SPECC1L: variants seen among roughly 807,000 people sequenced by gnomAD.
The protein encoded by SPECC1L is sperm antigen with calponin homology and coiled-coil domains 1 like, also known as cytospin-A.
A neutral mutation model predicts 116.8 loss-of-function variants in SPECC1L; 40 were observed. The observed-to-expected ratio is 0.34, with a 90% confidence interval of 0.27 to 0.45. SPECC1L has a LOEUF of 0.45. Among genes scored for constraint, SPECC1L ranks in the 20% least tolerant of loss-of-function variants. The probability of loss-of-function intolerance (pLI) is 1.00; values close to 1 mark genes in which losing one functional copy is unlikely to be tolerated. For missense variants in SPECC1L, 1,110 were observed against 1,373.6 expected (o/e 0.81, Z 3.03); for synonymous variants, 504 against 500.6 (o/e 1.01, Z -0.09).
rs937720941 is a variant in SPECC1L at position 24,416,360 on chromosome 22, A to G, written c.*1737A>G. On this transcript the variant is annotated 3_prime_UTR_variant, in exon 17 of 17. Transcript: ENST00000314328. Reference sequence around the variant, plus strand: ...GAGGCCAGGCAAGCAAAGTCATGCCACAAAGCATATCAGAGACCCCCGCAG... The same window carrying G: ...GAGGCCAGGCAAGCAAAGTCATGCCGCAAAGCATATCAGAGACCCCCGCAG... 1.3e-5 allele frequency: 2 copies of G among 152,218 alleles called. No individual in the cohort carries two copies. Among genetic ancestry groups the G allele is most frequent in the African/African-American group, 4.8e-5 (2 of 41,448 alleles). 9.4% of individuals were successfully genotyped at this position (152,218 alleles called of 1,614,324 possible). A position where few individuals can be genotyped will look rare whatever the true frequency, so the allele number is the denominator to read the frequency against.
chr22:24,297,979 T>C (rs1202282043), intron 2 of SPECC1L, among the ~76,000 whole-genome samples: 1 of 152,184 alleles, frequency 6.6e-6, no homozygotes, highest in East Asian at 1.9e-4. Flanking sequence ...TTGTTGTTAA[T>C]CTCCTACTGT....
chr22:24,349,744 T>C (rs2041382750), intron 11 of SPECC1L, among the ~76,000 whole-genome samples: 3 of 152,230 alleles, frequency 2.0e-5, no homozygotes, highest in Admixed American at 1.3e-4. Flanking sequence ...TCCCATTGAC[T>C]CTACTTTCAA....
At chr22:24,374,915 G>C (rs2041942603) in intron 14 of SPECC1L, among the ~76,000 whole-genome samples, 1 of 151,824 alleles carries the variant, frequency 6.6e-6, no homozygotes, top group Admixed American at 6.6e-5. Context: ...TGGGTTCTTT[G>C]AAAAGATAAA....
chr22:24,353,494 C>T (rs1047221975), intron 11 of SPECC1L, among the ~76,000 whole-genome samples: 2 of 151,908 alleles, frequency 1.3e-5, no homozygotes, highest in Non-Finnish European at 2.9e-5. Flanking sequence ...CTGCAACCTC[C>T]GCCTCCTGGG....
At chr22:24,381,606 G>A (rs896529219) in intron 14 of SPECC1L, among the ~76,000 whole-genome samples, 5 of 152,004 alleles carry the variant, frequency 3.3e-5, no homozygotes, top group African/African-American at 9.7e-5. Flanking sequence ...AATAATTGCC[G>A]GGGCGTGGTG....
Position 24,412,471 on chromosome 22 carries a change from C to G in SPECC1L, c.3205-177C>G, listed in dbSNP as rs1035221036. 5.8e-6 allele frequency: 4 copies of G among 684,906 alleles called. No individual in the cohort carries two copies. The African/African-American group carries it at 7.0e-5, about 12-fold the overall frequency. 42.4% of individuals were successfully genotyped at this position (684,906 alleles called of 1,614,324 possible). On this transcript the variant is annotated intron_variant, in intron 15 of 16. Transcript: ENST00000314328. ...GGTCAGGAGGGGAGGGTGGCCGGGC[C>G]TAGTGCAGGGTACTTGGTGCAGATG...
At position 24,388,081 on chromosome 22, in the gene SPECC1L, T is replaced by TTAG. The variant is rs79877781; in HGVS notation, c.3087+18763_3087+18764insGTA. Among the ~76,000 whole-genome samples, 1,124 of 151,288 alleles carry TTAG rather than the reference T, an allele frequency of 7.4e-3. 6 individuals carry two copies. Among genetic ancestry groups the TTAG allele is most frequent in the South Asian group, 0.013 (61 of 4,744 alleles). ...TCTTCCTGTTCTTAAAATTCTTTTT[T>TTAG]TATTATTATTATTATTATACTTTAA... On this transcript the variant is annotated intron_variant, in intron 14 of 16. Coordinates refer to ENST00000314328, the MANE Select transcript of SPECC1L (RefSeq NM_015330.6).
Position 24,387,541 on chromosome 22 carries a change from A to T in SPECC1L, c.3087+18221A>T, listed in dbSNP as rs117057960. On this transcript the variant is annotated intron_variant, in intron 14 of 16. Coordinates refer to ENST00000314328, the MANE Select transcript of SPECC1L (RefSeq NM_015330.6). ...ATATTGAGCAAAAATTAAGGAAAAAATTTTTTTGGTATTTTCAGGAATGTT... is the reference window on the plus strand; with the variant it reads ...ATATTGAGCAAAAATTAAGGAAAAATTTTTTTTGGTATTTTCAGGAATGTT... 2.2e-3 allele frequency among the ~76,000 whole-genome samples: 331 copies of T among 152,158 alleles called. 7 individuals carry two copies. In the East Asian group the frequency reaches 0.038, roughly 18 times the overall value.
chr22:24,301,902 C>T (rs1012318812), intron 2 of SPECC1L, among the ~76,000 whole-genome samples: 50 of 151,898 alleles, frequency 3.3e-4, no homozygotes, highest in Admixed American at 2.8e-3. Context: ...AAAAATTAGC[C>T]GGGCGTGGTG....
At chr22:24,393,375 A>C (rs569204308) in intron 14 of SPECC1L, among the ~76,000 whole-genome samples, 1 of 152,086 alleles carries the variant, frequency 6.6e-6, no homozygotes, top group Non-Finnish European at 1.5e-5. Flanking sequence ...AGAATGCTAC[A>C]TGATGTAAGC....
At chr22:24,358,948 T>C (rs1437405617) in intron 11 of SPECC1L, among the ~76,000 whole-genome samples, 1 of 152,232 alleles carries the variant, frequency 6.6e-6, no homozygotes, top group African/African-American at 2.4e-5. Flanking sequence ...TATCCACTTA[T>C]CTGACCCCTG....
intron 10 of SPECC1L, among the ~76,000 whole-genome samples, chr22:24,344,418 C>T (rs1000551275): frequency 3.3e-4 from 50 of 151,838 alleles, no homozygotes; most frequent in Non-Finnish European, 6.6e-4. Flanking sequence ...TAGTAAAACT[C>T]TTTAGCAAAC....
intron 2 of SPECC1L, among the ~76,000 whole-genome samples, chr22:24,279,869 C>T (rs550935104): frequency 1.3e-5 from 2 of 152,366 alleles, no homozygotes; most frequent in East Asian, 1.9e-4. Flanking sequence ...TGAGACACCA[C>T]GCCCAGGTGA....
chr22:24,350,041 G>A (rs866936856), intron 11 of SPECC1L, among the ~76,000 whole-genome samples: 4 of 152,042 alleles, frequency 2.6e-5, no homozygotes, highest in Non-Finnish European at 5.9e-5. Flanking sequence ...TGCTCACCCT[G>A]CCTCACCACA....
chr22:24,376,537 T>C (rs368547870), intron 14 of SPECC1L, among the ~76,000 whole-genome samples: 13 of 152,110 alleles, frequency 8.5e-5, no homozygotes, highest in African/African-American at 3.1e-4. Flanking sequence ...CACTGAAAAA[T>C]ACAAAACATT....
intron 4 of SPECC1L, among the ~76,000 whole-genome samples, chr22:24,317,173 T>C (rs62233115): frequency 0.37 from 18,348 of 49,488 alleles, 3,616 homozygotes; most frequent in African/African-American, 0.49. Context: ...GGCGGCTGGC[T>C]GGGCAGAGGG....
chr22:24,322,595 G>T lies in SPECC1L; in HGVS notation c.1615G>T (p.Glu539Ter). 6.2e-7 allele frequency: 1 copy of T among 1,614,146 alleles called. No individual in the cohort carries two copies. Among genetic ancestry groups the T allele is most frequent in the South Asian group, 1.1e-5 (1 of 91,056 alleles). The change falls in exon 5 of 17, where the codon GAA (glutamate) becomes TAA (stop). Residue 539 changes from glutamate (E) to a stop codon, truncating the protein, a stop_gained. Coordinates refer to ENST00000314328, the MANE Select transcript of SPECC1L (RefSeq NM_015330.6). LOFTEE classifies it high-confidence loss of function. ...EAQEMIGALK[E>*]RSHHMERIIE... Reference sequence around the variant, plus strand: ...TCAAGAAATGATAGGGGCACTCAAAGAACGCAGTCACCATATGGAGCGAAT... The same window carrying T: ...TCAAGAAATGATAGGGGCACTCAAATAACGCAGTCACCATATGGAGCGAAT...
rs558751913 is a variant in SPECC1L at position 24,326,735 on chromosome 22, A to G, written c.2147-2111A>G. Among the ~76,000 whole-genome samples, 10 of 152,302 alleles carry G rather than the reference A, an allele frequency of 6.6e-5. No individual in the cohort carries two copies. In the East Asian group the frequency reaches 1.9e-3, roughly 29 times the overall value. ...ACATATGACACATTTATCAAATTAA[A>G]GAGTAAATTTTGAACCTTTTTATTT... is the stretch of plus-strand genomic sequence containing the variant. On this transcript the variant is annotated intron_variant, in intron 6 of 16. Transcript: ENST00000314328.
At position 24,365,647 on chromosome 22, in the gene SPECC1L, A is replaced by G. The variant is rs1351070686; in HGVS notation, c.2984+15A>G. 10 of 1,613,772 alleles carry G rather than the reference A, an allele frequency of 6.2e-6. No homozygotes were observed. The highest frequency in any genetic ancestry group is 5.9e-6 in the Non-Finnish European group (7 of 1,179,868). On this transcript the variant is annotated intron_variant, in intron 13 of 16. Coordinates refer to ENST00000314328, the MANE Select transcript of SPECC1L (RefSeq NM_015330.6). The stretch of plus-strand genomic sequence containing the variant: ...AGCCGAATAAGGTAGAGAACAGTTA[A>G]TATTCATGCATTTCGTGTGTACCTT...
Sources: gnomAD v4.1 joint callset for allele counts (sites outside exome capture counted in the v4.1 genomes callset) on GRCh38, gnomAD v4.1.1 for gene constraint, MANE v1.5 for transcripts, NCBI Gene and HGNC (gene_info 2026-07-23, HGNC 2026-07-21) for gene names.